The following CYP2C19 variants were observed in gnomAD, a reference collection of about 807,000 sequenced individuals.
The protein encoded by CYP2C19 is cytochrome P450 family 2 subfamily C member 19.
A neutral mutation model predicts 40.9 loss-of-function variants in CYP2C19; 59 were observed. The ratio of observed to expected loss-of-function variants is 1.44; its 90% CI spans 1.17 to 1.79. CYP2C19 has a LOEUF of 1.79. CYP2C19 is among the 40% of genes most tolerant of loss of function. The pLI is 0.00. For missense variants in CYP2C19, 754 were observed against 596.9 expected (o/e 1.26, Z -2.74); for synonymous variants, 253 against 208.7 (o/e 1.21, Z -1.83).
At chr10:94,764,618 C>T (rs1848216083) in intron 1 of CYP2C19, among the ~76,000 whole-genome samples, 1 of 152,010 alleles carries the variant, frequency 6.6e-6, no homozygotes, top group South Asian at 2.1e-4. Context: ...AAGAAGGGGT[C>T]CTGCAGTTGT....
intron 6 of CYP2C19, among the ~76,000 whole-genome samples, chr10:94,833,711 G>C (rs558457727): frequency 6.6e-6 from 1 of 152,154 alleles, no homozygotes; most frequent in African/African-American, 2.4e-5. Flanking sequence ...TATCATGAAG[G>C]GATGTTGAAT....
chr10:94,833,936 A>G (rs956950399), intron 6 of CYP2C19, among the ~76,000 whole-genome samples: 3 of 152,176 alleles, frequency 2.0e-5, no homozygotes, highest in Admixed American at 6.5e-5. Flanking sequence ...ATCAGTATTC[A>G]TCAGGTGTAT....
intron 6 of CYP2C19, among the ~76,000 whole-genome samples, chr10:94,822,770 T>C (rs1256977444): frequency 6.6e-6 from 1 of 152,180 alleles, no homozygotes; most frequent in Non-Finnish European, 1.5e-5. Flanking sequence ...TAATTGCCAT[T>C]CTGACTGGTG....
At chr10:94,834,885 G>T (rs1210433770) in intron 6 of CYP2C19, among the ~76,000 whole-genome samples, 1 of 152,172 alleles carries the variant, frequency 6.6e-6, no homozygotes. Context: ...AGCTAGTCCT[G>T]TCTCTAAGTC....
intron 5 of CYP2C19, among the ~76,000 whole-genome samples, chr10:94,808,197 G>A (rs1848861837): frequency 6.6e-6 from 1 of 152,038 alleles, no homozygotes; most frequent in Non-Finnish European, 1.5e-5. Context: ...TAATTTCTGT[G>A]TTCTCTGTTC....
intron 6 of CYP2C19, among the ~76,000 whole-genome samples, chr10:94,826,307 A>G (rs1454122966): frequency 2.0e-5 from 3 of 152,108 alleles, no homozygotes; most frequent in African/African-American, 7.2e-5. Context: ...ATGTTCTTCC[A>G]TTTGTTTGTA....
intron 6 of CYP2C19, among the ~76,000 whole-genome samples, chr10:94,842,181 G>A (rs1047933076): frequency 3.3e-5 from 5 of 152,040 alleles, no homozygotes; most frequent in African/African-American, 7.2e-5. Flanking sequence ...ATTTTTGGTT[G>A]CATATATACT....
intron 5 of CYP2C19, among the ~76,000 whole-genome samples, chr10:94,805,976 G>A (rs747193195): frequency 2.0e-5 from 3 of 152,170 alleles, no homozygotes; most frequent in African/African-American, 7.2e-5. Flanking sequence ...CTTGCCCAAA[G>A]AGAAGTGTCC....
At chr10:94,838,857 A>G (rs906544660) in intron 6 of CYP2C19, among the ~76,000 whole-genome samples, 3 of 152,108 alleles carry the variant, frequency 2.0e-5, no homozygotes, top group African/African-American at 7.2e-5. Flanking sequence ...GTTATAATTT[A>G]TACTTCCCTC....
chr10:94,784,432 A>G (rs1046147839), intron 5 of CYP2C19, among the ~76,000 whole-genome samples: 2 of 151,954 alleles, frequency 1.3e-5, no homozygotes, highest in Non-Finnish European at 2.9e-5. Flanking sequence ...GCTGGGTCAA[A>G]TGGTAATTTT....
At chr10:94,815,496 A>G (rs944634449) in intron 5 of CYP2C19, among the ~76,000 whole-genome samples, 1 of 152,170 alleles carries the variant, frequency 6.6e-6, no homozygotes, top group Non-Finnish European at 1.5e-5. Flanking sequence ...CCTAATTCAA[A>G]CTAAGTATTC....
rs376426772 is a variant in CYP2C19, at chr10:94,852,792, T to A, written c.1351T>A (p.Phe451Ile). Residue 451 changes from phenylalanine (F) to isoleucine (I), a missense_variant, in exon 9 of 9, where the codon TTC becomes ATC. Physicochemically the swap from Phe to Ile is conservative, Grantham distance 21 (BLOSUM62 0). Coordinates refer to ENST00000371321, the MANE Select transcript of CYP2C19 (RefSeq NM_000769.4). ...ARMELFLFLT[F>I]ILQNFNLKSL... ...CATGGAGCTGTTTTTATTCCTGACC[T>A]TCATTTTACAGAACTTTAACCTGAA... is the stretch of plus-strand genomic sequence containing the variant. 1.2e-5 allele frequency: 20 copies of A among 1,613,998 alleles called. No individual in the cohort carries two copies. The highest frequency in any genetic ancestry group is 1.7e-5 in the Non-Finnish European group (20 of 1,179,992).
intron 6 of CYP2C19, among the ~76,000 whole-genome samples, chr10:94,821,745 G>T (rs1245626585): frequency 6.6e-6 from 1 of 151,950 alleles, no homozygotes; most frequent in African/African-American, 2.4e-5. Flanking sequence ...TAAGAGTTAG[G>T]CCTTTTTTTG....
chr10:94,849,336 TA>T lies in CYP2C19; in HGVS notation c.1150-580del, dbSNP rs67195314. Among the ~76,000 whole-genome samples, 710 of 151,852 alleles carry T rather than the reference TA, an allele frequency of 4.7e-3. 4 individuals carry two copies. Among genetic ancestry groups the T allele is most frequent in the African/African-American group, 0.015 (635 of 41,428 alleles). Reference sequence around the variant, plus strand: ...TGGGCATTTTATTTATTTATTTATTTATTTTTTTCATCAGCAGATTTTATTA... The same window carrying T: ...TGGGCATTTTATTTATTTATTTATTTTTTTTTTCATCAGCAGATTTTATTA... On this transcript the variant is annotated intron_variant, in intron 7 of 8. Coordinates refer to ENST00000371321, the MANE Select transcript of CYP2C19 (RefSeq NM_000769.4).
intron 7 of CYP2C19, among the ~76,000 whole-genome samples, chr10:94,846,694 T>A (rs1469817050): frequency 6.6e-6 from 1 of 151,890 alleles, no homozygotes; most frequent in Admixed American, 6.6e-5. Flanking sequence ...TTATTTATTT[T>A]ATTATTTTTA....
At position 94,762,784 on chromosome 10, in the gene CYP2C19, G is replaced by A; in HGVS notation, c.79G>A (p.Gly27Arg). ...AATCTGGAGACAGAGCTCTGGGAGA[G>A]GAAAACTCCCTCCTGGCCCCACTCC... ...LSIWRQSSGR[G>R]KLPPGPTPLP... is the part of the protein sequence containing the mutation. The change falls in exon 1 of 9, where the codon GGA (glycine) becomes AGA (arginine). Residue 27 changes from glycine to arginine, a missense_variant. By Grantham distance (125) the Gly-to-Arg change is moderately radical (BLOSUM62 -2). Transcript: ENST00000371321. 1 of 1,613,726 alleles carries A rather than the reference G, an allele frequency of 6.2e-7. No homozygotes were observed. The highest frequency in any genetic ancestry group is 8.5e-7 in the Non-Finnish European group (1 of 1,179,734).
chr10:94,850,523 G>T (rs1361636793), intron 8 of CYP2C19, among the ~76,000 whole-genome samples: 1 of 152,158 alleles, frequency 6.6e-6, no homozygotes, highest in African/African-American at 2.4e-5. Flanking sequence ...TTGGAAAGCA[G>T]AGTAAACAGA....
At position 94,794,122 on chromosome 10, in the gene CYP2C19, A is replaced by T. The variant is rs578041842; in HGVS notation, c.819+12125A>T. Among the ~76,000 whole-genome samples the T allele has an allele frequency of 3.9e-5, 6 of 152,226 alleles. No individual in the cohort carries two copies. The South Asian group carries it at 1.2e-3, about 32-fold the overall frequency. On this transcript the variant is annotated intron_variant, in intron 5 of 8. Coordinates refer to ENST00000371321, the MANE Select transcript of CYP2C19 (RefSeq NM_000769.4). ...TTTGATCTCAGACTGCTGTGCTAGC[A>T]TTGAGCGAGGTTCTGTGGGCATGGG...
At chr10:94,806,235 TTTC>T (rs1265404142) in intron 5 of CYP2C19, among the ~76,000 whole-genome samples, 2 of 152,212 alleles carry the variant, frequency 1.3e-5, no homozygotes, top group Admixed American at 6.5e-5. Context: ...GTGTCAGATT[TTTC>T]TTCATTTCCA....
Sources: gnomAD v4.1 joint callset for allele counts (sites outside exome capture counted in the v4.1 genomes callset) on GRCh38, gnomAD v4.1.1 for gene constraint, MANE v1.5 for transcripts, NCBI Gene and HGNC (gene_info 2026-07-23, HGNC 2026-07-21) for gene names.